The following RHBG variants were observed in gnomAD, a reference collection of about 807,000 sequenced individuals.
RHBG encodes the protein Rh family B glycoprotein, also known as ammonium transporter Rh type B.
In RHBG, 39 loss-of-function variants were observed where a neutral mutation model predicts 40.1. The ratio of observed to expected loss-of-function variants is 0.97; its 90% CI spans 0.75 to 1.27. RHBG has a LOEUF of 1.27. Ranked by LOEUF, RHBG falls within the 50% of genes most tolerant of loss-of-function variation. The pLI is 0.00. For synonymous variants in RHBG, 237 were observed against 252.5 expected (o/e 0.94, Z 0.58); for missense variants, 549 against 588.1 (o/e 0.93, Z 0.69).
Position 156,382,879 on chromosome 1 carries a change from C to T in RHBG, c.1234+10C>T, listed in dbSNP as rs1334208397. On this transcript the variant is annotated intron_variant, in intron 8 of 9. Coordinates refer to ENST00000537040, the MANE Select transcript of RHBG (RefSeq NM_020407.5). Reference sequence around the variant, plus strand: ...GGCGGGGGCCTTGGAGGTGAGTAACCTTGGATTTTCTAGAGGAAGGGGCAT... The same window carrying T: ...GGCGGGGGCCTTGGAGGTGAGTAACTTTGGATTTTCTAGAGGAAGGGGCAT... 1 of 1,614,046 alleles carries T rather than the reference C, an allele frequency of 6.2e-7. No homozygotes were observed. The highest frequency in any genetic ancestry group is 8.5e-7 in the Non-Finnish European group (1 of 1,180,024).
chr1:156,369,513 C>A, intron 1 of RHBG, 77 bp downstream of exon 1: 1 of 1,430,308 alleles, frequency 7.0e-7, no homozygotes, highest in Non-Finnish European at 9.4e-7. Flanking sequence ...TGGGAGGGAG[C>A]ATTTGGGTGC....
chr1:156,369,227 C>T lies in RHBG; in HGVS notation c.-23C>T. The T allele has an allele frequency of 2.5e-6, 4 of 1,605,762 alleles. No individual in the cohort carries two copies. Among genetic ancestry groups the T allele is most frequent in the Non-Finnish European group, 3.4e-6 (4 of 1,176,622 alleles). On this transcript the variant is annotated 5_prime_UTR_variant, in exon 1 of 10. Coordinates refer to ENST00000537040, the MANE Select transcript of RHBG (RefSeq NM_020407.5). ...ATTGTCTGCCAAAGCCTGCGAGCGC[C>T]AGCCGAGATCGCAGCCCAACCCATG...
intron 1 of RHBG, among the ~76,000 whole-genome samples, chr1:156,370,276 C>T (rs569526816): frequency 4.6e-5 from 7 of 152,078 alleles, no homozygotes; most frequent in Non-Finnish European, 8.8e-5. Context: ...GTGAAACTCC[C>T]GTCTCTACTA....
intron 9 of RHBG, 24 bp downstream of exon 9, chr1:156,384,624 A>G: frequency 6.4e-7 from 1 of 1,559,412 alleles, no homozygotes; most frequent in African/African-American, 1.4e-5. Context: ...GGGCTCTCAC[A>G]CCCTCTGAGT....
intron 7 of RHBG, 194 bp from the exon 8 acceptor site, chr1:156,382,554 G>A (rs1185901691): frequency 6.8e-6 from 5 of 738,542 alleles, no homozygotes; most frequent in Non-Finnish European, 9.1e-6. Flanking sequence ...ACAAGGGTGG[G>A]AAGGTGTTCC....
At chr1:156,383,873 G>A (rs4661161) in intron 8 of RHBG, among the ~76,000 whole-genome samples, 1,993 of 130,864 alleles carry the variant, frequency 0.015, 116 homozygotes, top group Admixed American at 0.13. Context: ...CGCTCTTGTA[G>A]CCCAGGCTGG....
intron 4 of RHBG, 107 bp from the exon 5 acceptor site, chr1:156,381,240 G>A: frequency 8.5e-7 from 1 of 1,170,352 alleles, no homozygotes; most frequent in South Asian, 1.3e-5. Flanking sequence ...AACATATGAG[G>A]AAACTGAGGC....
intron 1 of RHBG, chr1:156,371,983 G>A (rs1183412289): frequency 1.3e-5 from 2 of 152,326 alleles, no homozygotes; most frequent in African/African-American, 4.8e-5. Flanking sequence ...AGGTTGGGGA[G>A]GCGGGAGGTG....
intron 1 of RHBG, among the ~76,000 whole-genome samples, chr1:156,370,123 G>T (rs1666739095): frequency 6.6e-6 from 1 of 152,110 alleles, no homozygotes; most frequent in South Asian, 2.1e-4. Flanking sequence ...GGCCAGCCTG[G>T]CCAACATGGT....
At chr1:156,380,898 G>GTAT (rs757432518) in intron 4 of RHBG, among the ~76,000 whole-genome samples, 13 of 151,678 alleles carry the variant, frequency 8.6e-5, no homozygotes, top group South Asian at 2.1e-4. Flanking sequence ...TGATGAGGTG[G>GTAT]TATTATTATT....
intron 1 of RHBG, among the ~76,000 whole-genome samples, chr1:156,376,419 A>G (rs918713428): frequency 2.0e-5 from 3 of 149,522 alleles, no homozygotes; most frequent in Non-Finnish European, 4.4e-5. Context: ...GCTGGAGTGC[A>G]GAGGTATGAT....
At chr1:156,378,529 C>A in intron 4 of RHBG, 130 bp downstream of exon 4, 1 of 1,119,700 alleles carries the variant, frequency 8.9e-7, no homozygotes, top group Non-Finnish European at 1.3e-6. Flanking sequence ...CATTTGGATT[C>A]TGCTGTGAGA....
intron 7 of RHBG, chr1:156,382,445 AAG>A: frequency 1.6e-6 from 1 of 631,888 alleles, no homozygotes; most frequent in Non-Finnish European, 2.7e-6. Flanking sequence ...AAGGGTCAGT[AAG>A]AGATAATGAC....
At chr1:156,370,355 A>G (rs1666752906) in intron 1 of RHBG, among the ~76,000 whole-genome samples, 1 of 151,938 alleles carries the variant, frequency 6.6e-6, no homozygotes, top group Non-Finnish European at 1.5e-5. Context: ...AGGCTGAGGC[A>G]GGAGAATCTC....
Position 156,377,900 on chromosome 1 carries a change from C to CAACA in RHBG, c.375-89_375-88insACAA. On this transcript the variant is annotated intron_variant, in intron 2 of 9. Coordinates refer to ENST00000537040, the MANE Select transcript of RHBG (RefSeq NM_020407.5). This position sits in a 1 kb window ranked among gnomAD's most constrained non-coding sequence, Gnocchi z 4.6. ...AACTCCAACCCCACCCCACCCACCA[C>CAACA]ATCATGCTGTCCTGGCTTCATGCCA... The CAACA allele has an allele frequency of 6.3e-6, 8 of 1,277,128 alleles. No individual in the cohort carries two copies. Among genetic ancestry groups the CAACA allele is most frequent in the Non-Finnish European group, 7.5e-6 (7 of 928,260 alleles). The allele number at this position is 1,277,128 out of a possible 1,614,324, so 79.1% of individuals were successfully genotyped here.
chr1:156,382,618 G>A, intron 7 of RHBG, 130 bp from the exon 8 acceptor site: 1 of 1,130,324 alleles, frequency 8.8e-7, no homozygotes. Flanking sequence ...AGCCTGGCAT[G>A]CACCCTCGAG....
rs115378118 is a variant in RHBG, at chr1:156,380,351, C to A, written c.674-996C>A. 6.5e-3 allele frequency among the ~76,000 whole-genome samples: 991 copies of A among 151,966 alleles called. 5 individuals are homozygous for A. Among genetic ancestry groups the A allele is most frequent in the African/African-American group, 0.023 (962 of 41,506 alleles). ...CCCGAACCTTGTGATCCGCCTGCCTCGAGCCTCCCAAAGTGCTGGGATTAT... is the reference window on the plus strand; with the variant it reads ...CCCGAACCTTGTGATCCGCCTGCCTAGAGCCTCCCAAAGTGCTGGGATTAT... On this transcript the variant is annotated intron_variant, in intron 4 of 9. Coordinates refer to ENST00000537040, the MANE Select transcript of RHBG (RefSeq NM_020407.5).
intron 1 of RHBG, among the ~76,000 whole-genome samples, chr1:156,369,675 A>G (rs1039981335): frequency 2.0e-5 from 3 of 152,136 alleles, no homozygotes. Context: ...AAGGTGGGGA[A>G]ACTGAGGCTT....
intron 4 of RHBG, among the ~76,000 whole-genome samples, chr1:156,379,962 C>T (rs1667501800): frequency 1.3e-5 from 2 of 152,316 alleles, no homozygotes; most frequent in South Asian, 2.1e-4. Flanking sequence ...ATTCAGTACT[C>T]AGCAAACAGA....
Sources: allele counts gnomAD v4.1 joint callset (sites outside exome capture counted in the v4.1 genomes callset), GRCh38; gene constraint gnomAD v4.1.1; non-coding constraint Gnocchi (gnomAD v3.1); transcripts MANE v1.5; gene names NCBI Gene and HGNC (gene_info 2026-07-23, HGNC 2026-07-21).